The following ITPK1 variants were observed in gnomAD, a reference collection of about 807,000 sequenced individuals.
The protein encoded by ITPK1 is inositol-tetrakisphosphate 1-kinase, also known as inositol 1,3,4-trisphosphate 5/6-kinase.
ITPK1 carries 21 observed loss-of-function variants against 45.3 expected under a neutral mutation model. The ratio of observed to expected loss-of-function variants is 0.46; its 90% confidence interval spans 0.33 to 0.67. The LOEUF (loss-of-function observed/expected upper bound fraction) is 0.67, where lower values mean the gene tolerates loss of function less well. Ranked by LOEUF, ITPK1 falls within the 30% of genes least tolerant of loss-of-function variation. The probability of loss-of-function intolerance (pLI) is 0.02; values close to 1 mark genes in which losing one functional copy is unlikely to be tolerated. For synonymous variants in ITPK1, 258 were observed against 253.6 expected (o/e 1.02, Z -0.16); for missense variants, 474 against 573.5 (o/e 0.83, Z 1.77).
chr14:92,973,923 G>A (rs1045411339), intron 5 of ITPK1, among the ~76,000 whole-genome samples: 1 of 152,218 alleles, frequency 6.6e-6, no homozygotes, highest in African/African-American at 2.4e-5. Context: ...CCTGGCTGGA[G>A]GGCTCCAGGC....
intron 3 of ITPK1, among the ~76,000 whole-genome samples, chr14:93,074,127 C>A (rs1891125426): frequency 6.6e-6 from 1 of 152,196 alleles, no homozygotes; most frequent in South Asian, 2.1e-4. Context: ...TCTAAAAGTT[C>A]TCCAAATGCA....
chr14:93,062,924 C>T (rs76694205), intron 3 of ITPK1, among the ~76,000 whole-genome samples: 1,581 of 152,302 alleles, frequency 0.01, 24 homozygotes, highest in African/African-American at 0.036. Context: ...GGGTCCTGAG[C>T]GATCCGGCGG....
chr14:92,954,754 T>A lies in ITPK1; in HGVS notation c.671-2741A>T, dbSNP rs202007029. On this transcript the variant is annotated intron_variant, in intron 8 of 10. Coordinates refer to ENST00000267615, the MANE Select transcript of ITPK1 (RefSeq NM_014216.6). ...TTTCCTTCATCTCCTCTCTCTCTCT[T>A]GGGAGGCGAAGGGGATGGGGAGAAT... 3.0e-4 allele frequency among the ~76,000 whole-genome samples: 34 copies of A among 113,348 alleles called. No homozygotes were observed. In the East Asian group the frequency reaches 0.01, roughly 34 times the overall value. The allele number at this position is 113,348 out of a possible 152,430, so 74.4% of individuals were successfully genotyped here.
intron 3 of ITPK1, among the ~76,000 whole-genome samples, chr14:93,064,603 A>G (rs1890670863): frequency 6.6e-6 from 1 of 152,186 alleles, no homozygotes; most frequent in Non-Finnish European, 1.5e-5. Flanking sequence ...TCTGGGACAC[A>G]GCTGCAGGGC....
At position 92,988,210 on chromosome 14, in the gene ITPK1, G is replaced by C. The variant is rs369207109; in HGVS notation, c.364+5670C>G. Among the ~76,000 whole-genome samples, 360 of 152,278 alleles carry C rather than the reference G, an allele frequency of 2.4e-3. 3 individuals carry two copies. The highest frequency in any genetic ancestry group is 8.5e-3 in the African/African-American group (352 of 41,544). On this transcript the variant is annotated intron_variant, in intron 5 of 10. Coordinates refer to ENST00000267615, the MANE Select transcript of ITPK1 (RefSeq NM_014216.6). ...TCCCTCATTCCAGACCCTTCGATGG[G>C]GCACGCTGTCCCCTCACCTCAGCCC...
rs961092529 is a variant in ITPK1 at position 92,941,489 on chromosome 14, G to A, written c.*72C>T. On this transcript the variant is annotated 3_prime_UTR_variant, in exon 11 of 11. Coordinates refer to ENST00000267615, the MANE Select transcript of ITPK1 (RefSeq NM_014216.6). ...ACTGGGGATTCTTAGTAGTAGCATCGCCGTTGGGAGCTGCTGGCCCAGCGG... is the reference window on the plus strand; with the variant it reads ...ACTGGGGATTCTTAGTAGTAGCATCACCGTTGGGAGCTGCTGGCCCAGCGG... 6.2e-6 allele frequency: 9 copies of A among 1,446,710 alleles called. No homozygotes were observed. Among genetic ancestry groups the A allele is most frequent in the South Asian group, 4.1e-5 (3 of 72,954 alleles). The allele number at this position is 1,446,710 out of a possible 1,614,324, so 89.6% of individuals were successfully genotyped here. A position where few individuals can be genotyped will look rare whatever the true frequency, so the allele number is the denominator to read the frequency against.
At chr14:92,986,716 G>A (rs1278871068) in intron 5 of ITPK1, among the ~76,000 whole-genome samples, 2 of 152,114 alleles carry the variant, frequency 1.3e-5, no homozygotes, top group Non-Finnish European at 2.9e-5. Flanking sequence ...GCTGGGGAGC[G>A]GGTCCCTGCC....
chr14:92,966,723 T>C (rs769458122), intron 5 of ITPK1, among the ~76,000 whole-genome samples: 1 of 152,224 alleles, frequency 6.6e-6, no homozygotes, highest in Non-Finnish European at 1.5e-5. Flanking sequence ...TGAGGCAATG[T>C]GGTACCAGCC....
chr14:93,103,769 C>T (rs373788772), intron 2 of ITPK1, among the ~76,000 whole-genome samples: 1 of 152,234 alleles, frequency 6.6e-6, no homozygotes, highest in East Asian at 1.9e-4. Context: ...GGGTGGAGAC[C>T]GGATGTTTCC....
At chr14:92,995,907 A>G (rs533056970) in intron 4 of ITPK1, among the ~76,000 whole-genome samples, 2 of 152,236 alleles carry the variant, frequency 1.3e-5, no homozygotes, top group South Asian at 4.2e-4. Flanking sequence ...AGCCTCACCC[A>G]AGCACCTACA....
intron 3 of ITPK1, among the ~76,000 whole-genome samples, chr14:93,056,155 C>T (rs933658967): frequency 6.6e-6 from 1 of 152,174 alleles, no homozygotes; most frequent in Non-Finnish European, 1.5e-5. Flanking sequence ...TGAGTAGAGA[C>T]TGGTGTGTGC....
intron 3 of ITPK1, chr14:93,068,893 C>G (rs1890870557): frequency 6.6e-6 from 1 of 152,272 alleles, no homozygotes; most frequent in African/African-American, 2.4e-5. Context: ...CAGCTACCAA[C>G]ACAGGCCTCC....
At position 92,958,165 on chromosome 14, in the gene ITPK1, T is replaced by A; in HGVS notation, c.670+36A>T. Reference sequence around the variant, plus strand: ...GCCACATCCCAGCTGGGCCCCTGAGTCTTGCTCAGCCCAAGATGGTGAGAA... The same window carrying A: ...GCCACATCCCAGCTGGGCCCCTGAGACTTGCTCAGCCCAAGATGGTGAGAA... On this transcript the variant is annotated intron_variant, in intron 8 of 10. Transcript: ENST00000267615. This position sits in a 1 kb window ranked among gnomAD's most constrained non-coding sequence, Gnocchi z 4.4. 1.9e-6 allele frequency: 3 copies of A among 1,609,248 alleles called. No individual in the cohort carries two copies. The South Asian group carries it at 3.3e-5, about 18-fold the overall frequency.
intron 4 of ITPK1, among the ~76,000 whole-genome samples, chr14:93,015,592 G>C (rs1339884951): frequency 6.6e-6 from 1 of 152,260 alleles, no homozygotes; most frequent in Non-Finnish European, 1.5e-5. Flanking sequence ...AAGTGGAATG[G>C]ACTTGGGGCC....
chr14:92,952,919 G>A (rs890680131), intron 8 of ITPK1, among the ~76,000 whole-genome samples: 25 of 152,218 alleles, frequency 1.6e-4, no homozygotes, highest in Non-Finnish European at 2.9e-4. Context: ...GGAAAAGGCT[G>A]TCTGTCACCA....
At chr14:93,048,578 C>T (rs985556409) in intron 3 of ITPK1, among the ~76,000 whole-genome samples, 11 of 152,200 alleles carry the variant, frequency 7.2e-5, no homozygotes, top group African/African-American at 2.7e-4. Context: ...GCCAAAGCTC[C>T]TGATACTCCC....
intron 3 of ITPK1, among the ~76,000 whole-genome samples, chr14:93,061,032 C>T (rs1001326929): frequency 3.3e-5 from 5 of 152,322 alleles, no homozygotes; most frequent in African/African-American, 1.2e-4. Context: ...AGTTCCACTC[C>T]AAATCTGGAC....
intron 3 of ITPK1, among the ~76,000 whole-genome samples, chr14:93,075,054 G>A (rs551323589): frequency 2.2e-4 from 34 of 152,214 alleles, no homozygotes; most frequent in African/African-American, 6.5e-4. Flanking sequence ...GGTTGGGCGC[G>A]GTGGCTCACA....
rs1415568223 is a variant in ITPK1 at position 92,952,072 on chromosome 14, G to A, written c.671-59C>T. On this transcript the variant is annotated intron_variant, in intron 8 of 10. Transcript: ENST00000267615. ...ACCTCAATGCAGGGACCACACTGCC[G>A]CCACCTGACACCAGGGGGCAGCATC... 7.5e-6 allele frequency: 10 copies of A among 1,328,860 alleles called. No individual in the cohort carries two copies. In the Admixed American group the frequency reaches 7.9e-5, roughly 10 times the overall value. 82.3% of individuals were successfully genotyped at this position (1,328,860 alleles called of 1,614,324 possible).
Sources: allele counts gnomAD v4.1 joint callset (sites outside exome capture counted in the v4.1 genomes callset), GRCh38; gene constraint gnomAD v4.1.1; non-coding constraint Gnocchi (gnomAD v3.1); transcripts MANE v1.5; gene names NCBI Gene and HGNC (gene_info 2026-07-23, HGNC 2026-07-21).